Variants in GUCA1C observed in about 807,000 individuals in gnomAD.
GUCA1C encodes guanylate cyclase activator 1C.
In GUCA1C, 15 loss-of-function variants were observed where a neutral mutation model predicts 16.2. That is an observed-to-expected ratio of 0.93 (90% CI 0.62 to 1.43). GUCA1C has a LOEUF of 1.43. Ranked by LOEUF, GUCA1C falls within the 40% of genes most tolerant of loss-of-function variation. The pLI, the probability that GUCA1C is intolerant of heterozygous loss-of-function variation, is 0.00. For synonymous variants in GUCA1C, 78 were observed against 85.4 expected (o/e 0.91, Z 0.48); for missense variants, 275 against 244.8 (o/e 1.12, Z -0.82).
At chr3:108,919,569 G>A (rs1946550869) in intron 2 of GUCA1C, among the ~76,000 whole-genome samples, 2 of 152,068 alleles carry the variant, frequency 1.3e-5, no homozygotes, top group Admixed American at 6.6e-5. Flanking sequence ...CTTTCCATAT[G>A]TTGGTTAACT....
chr3:108,930,138 C>T (rs1287524826), intron 1 of GUCA1C, among the ~76,000 whole-genome samples: 2 of 152,240 alleles, frequency 1.3e-5, no homozygotes, highest in Non-Finnish European at 2.9e-5. Context: ...GCATGTGACT[C>T]ATTCTTCGCT....
At chr3:108,943,251 T>C (rs1946806328) in intron 1 of GUCA1C, among the ~76,000 whole-genome samples, 1 of 151,912 alleles carries the variant, frequency 6.6e-6, no homozygotes, top group Non-Finnish European at 1.5e-5. Flanking sequence ...GGCGCTGATA[T>C]GTGAGAGCCA....
chr3:108,939,323 G>GTTTTTTTTTTTT (rs1491279760), intron 1 of GUCA1C, among the ~76,000 whole-genome samples: 32 of 33,206 alleles, frequency 9.6e-4, no homozygotes, highest in Non-Finnish European at 1.5e-3. Context: ...TTGCTTCAAG[G>GTTTTTTTTTTTT]CTTTTTTTTT....
chr3:108,951,660 T>A (rs1355032235), intron 1 of GUCA1C, among the ~76,000 whole-genome samples: 1 of 152,228 alleles, frequency 6.6e-6, no homozygotes, highest in Non-Finnish European at 1.5e-5. Flanking sequence ...CCTGATTTTA[T>A]ATTGAGATCC....
intron 1 of GUCA1C, among the ~76,000 whole-genome samples, chr3:108,952,747 T>C (rs1946907168): frequency 6.6e-6 from 1 of 152,128 alleles, no homozygotes; most frequent in African/African-American, 2.4e-5. Flanking sequence ...TTCCTTTTTA[T>C]TCTAGTCAAT....
chr3:108,954,021 A>C, upstream of GUCA1C: 1 of 471,246 alleles, frequency 2.1e-6, no homozygotes, highest in Non-Finnish European at 3.8e-6. Flanking sequence ...TTGTGAAGGG[A>C]ACACGCAATA....
At chr3:108,917,916 G>T (rs1695683048) in intron 2 of GUCA1C, among the ~76,000 whole-genome samples, 2 of 152,064 alleles carry the variant, frequency 1.3e-5, no homozygotes, top group South Asian at 4.2e-4. Context: ...GTGGTGGCGG[G>T]CGCCTGTAAT....
At chr3:108,918,052 T>TAA (rs201559623) in intron 2 of GUCA1C, among the ~76,000 whole-genome samples, 3 of 151,780 alleles carry the variant, frequency 2.0e-5, no homozygotes, top group African/African-American at 7.3e-5. Flanking sequence ...CTCAAAAAAA[T>TAA]AAAAAAAACT....
At chr3:108,932,678 T>C (rs183420218) in intron 1 of GUCA1C, among the ~76,000 whole-genome samples, 139 of 152,140 alleles carry the variant, frequency 9.1e-4, no homozygotes, top group African/African-American at 3.3e-3. Context: ...TCCCAGCACT[T>C]TGGGAGGCTG....
intron 1 of GUCA1C, among the ~76,000 whole-genome samples, chr3:108,928,985 G>A (rs1248442554): frequency 7.9e-5 from 12 of 152,138 alleles, no homozygotes; most frequent in Non-Finnish European, 2.9e-5. Flanking sequence ...AACTTGCTAG[G>A]ATTTTGATTT....
intron 1 of GUCA1C, among the ~76,000 whole-genome samples, chr3:108,924,904 A>G (rs1469829940): frequency 6.6e-6 from 1 of 151,920 alleles, no homozygotes; most frequent in Non-Finnish European, 1.5e-5. Flanking sequence ...TAGGTTTTCT[A>G]TTTTATGCAC....
chr3:108,952,059 T>A (rs1479658580), intron 1 of GUCA1C, among the ~76,000 whole-genome samples: 4 of 152,338 alleles, frequency 2.6e-5, no homozygotes, highest in South Asian at 4.1e-4. Flanking sequence ...TAAAACTCGA[T>A]AGCTCATTTT....
intron 2 of GUCA1C, among the ~76,000 whole-genome samples, chr3:108,918,787 T>C (rs1946543973): frequency 6.6e-6 from 1 of 152,176 alleles, no homozygotes; most frequent in Non-Finnish European, 1.5e-5. Flanking sequence ...ACCTTGCTGA[T>C]TTTTTTCACC....
At position 108,916,122 on chromosome 3, in the gene GUCA1C, A is replaced by G. The variant is rs1477802079; in HGVS notation, c.442+5T>C. ...AAGTGATCCAGTAGAGAGTAGCTCC[A>G]TTACCATCATTGTTTATATCGATCT... On this transcript the variant is annotated splice_donor_5th_base_variant and intron_variant, in intron 3 of 3. Coordinates refer to ENST00000261047, the MANE Select transcript of GUCA1C (RefSeq NM_005459.4). 4.3e-6 allele frequency: 7 copies of G among 1,612,674 alleles called. No individual in the cohort carries two copies. In the South Asian group the frequency reaches 7.7e-5, roughly 18 times the overall value.
At chr3:108,940,676 T>C (rs1204377526) in intron 1 of GUCA1C, among the ~76,000 whole-genome samples, 1 of 152,226 alleles carries the variant, frequency 6.6e-6, no homozygotes, top group Admixed American at 6.5e-5. Context: ...CACCTTTCGT[T>C]TGGAAATACA....
At chr3:108,934,587 C>T in intron 1 of GUCA1C, among the ~76,000 whole-genome samples, 1 of 152,212 alleles carries the variant, frequency 6.6e-6, no homozygotes, top group African/African-American at 2.4e-5. Context: ...AACAGCACTA[C>T]TCACAATAGC....
At position 108,910,006 on chromosome 3, in the gene GUCA1C, C is replaced by T. The variant is rs139400432; in HGVS notation, c.443-1797G>A. Reference sequence around the variant, plus strand: ...ACACAGCTACCGCCACTATAGCCGACGACAGTGCTATGAATATGGTAGGTG... The same window carrying T: ...ACACAGCTACCGCCACTATAGCCGATGACAGTGCTATGAATATGGTAGGTG... On this transcript the variant is annotated intron_variant, in intron 3 of 3. Transcript: ENST00000261047. 5.3e-5 allele frequency among the ~76,000 whole-genome samples: 8 copies of T among 152,314 alleles called. No homozygotes were observed. In the East Asian group the frequency reaches 1.2e-3, roughly 22 times the overall value.
chr3:108,909,694 G>T (rs1327834776), intron 3 of GUCA1C, among the ~76,000 whole-genome samples: 1 of 152,110 alleles, frequency 6.6e-6, no homozygotes, highest in East Asian at 1.9e-4. Context: ...AGCAATACAG[G>T]TTACTGACAT....
At chr3:108,932,005 C>G (rs953779849) in intron 1 of GUCA1C, among the ~76,000 whole-genome samples, 1 of 151,802 alleles carries the variant, frequency 6.6e-6, no homozygotes, top group African/African-American at 2.4e-5. Flanking sequence ...CGCCCACCAC[C>G]ACGCCCAGGT....
Sources: gnomAD v4.1 joint callset for allele counts (sites outside exome capture counted in the v4.1 genomes callset) on GRCh38, gnomAD v4.1.1 for gene constraint, MANE v1.5 for transcripts, NCBI Gene and HGNC (gene_info 2026-07-23, HGNC 2026-07-21) for gene names.